The following SLC9C1 variants were observed in gnomAD, a reference collection of about 807,000 sequenced individuals.
SLC9C1 encodes the protein sodium/hydrogen exchanger 10.
Under a neutral mutation model 140.9 loss-of-function variants are expected in SLC9C1, and 97 were observed. The ratio of observed to expected loss-of-function variants is 0.69; its 90% CI spans 0.58 to 0.82. The LOEUF (loss-of-function observed/expected upper bound fraction) is 0.82, where lower values mean the gene tolerates loss of function less well. Ranked by LOEUF, SLC9C1 falls within the 40% of genes least tolerant of loss-of-function variation. The pLI, the probability that SLC9C1 is intolerant of heterozygous loss-of-function variation, is 0.00. For synonymous variants in SLC9C1, 440 were observed against 442.6 expected, an observed-to-expected ratio of 0.99 and a Z score of 0.07; for missense variants, 1,340 against 1,389.3, an observed-to-expected ratio of 0.96 and a Z score of 0.56.
At chr3:112,197,920 C>G (rs1401073210) in intron 20 of SLC9C1, among the ~76,000 whole-genome samples, 1 of 152,136 alleles carries the variant, frequency 6.6e-6, no homozygotes, top group African/African-American at 2.4e-5. Context: ...TGTCGGCCTG[C>G]TCCTGCTTAA....
intron 3 of SLC9C1, 138 bp downstream of exon 3, chr3:112,280,545 G>C (rs557768689): frequency 7.8e-5 from 56 of 722,502 alleles, no homozygotes; most frequent in African/African-American, 7.7e-4. Context: ...TACCTGACGT[G>C]ATGCTAGCCA....
At chr3:112,292,704 C>T (rs913863942) in intron 1 of SLC9C1, among the ~76,000 whole-genome samples, 8 of 151,738 alleles carry the variant, frequency 5.3e-5, no homozygotes, top group South Asian at 2.1e-4. Context: ...CCACCACGCC[C>T]GGCTAATTTT....
At chr3:112,238,675 A>C (rs950866285) in intron 12 of SLC9C1, among the ~76,000 whole-genome samples, 4 of 152,202 alleles carry the variant, frequency 2.6e-5, no homozygotes, top group Admixed American at 6.5e-5. Context: ...TCCTTCTAAC[A>C]GGCAGGACCC....
intron 13 of SLC9C1, among the ~76,000 whole-genome samples, chr3:112,226,752 A>C (rs1264153225): frequency 1.3e-5 from 2 of 152,094 alleles, no homozygotes; most frequent in Non-Finnish European, 2.9e-5. Flanking sequence ...AAAGTTCAAA[A>C]AACAACTTAA....
intron 10 of SLC9C1, among the ~76,000 whole-genome samples, chr3:112,249,574 G>A (rs922378453): frequency 6.6e-6 from 1 of 152,002 alleles, no homozygotes; most frequent in African/African-American, 2.4e-5. Flanking sequence ...ATTTGTTTGG[G>A]CTTTTTCTAG....
intron 5 of SLC9C1, among the ~76,000 whole-genome samples, chr3:112,277,172 C>T (rs1054713760): frequency 2.6e-5 from 4 of 151,912 alleles, no homozygotes; most frequent in African/African-American, 9.7e-5. Context: ...TGGTATTTTA[C>T]TTTTAAATAT....
At position 112,217,524 on chromosome 3, in the gene SLC9C1, T is replaced by C. The variant is rs192136143; in HGVS notation, c.1708A>G (p.Ser570Gly). Residue 570 changes from serine (S) to glycine (G), a missense_variant, in exon 15 of 29, where the codon AGC becomes GGC. Coordinates refer to ENST00000305815, the MANE Select transcript of SLC9C1 (RefSeq NM_183061.3). Reference protein sequence around the residue: ...SLDTIKNYSESQKTVTFARKL... With the variant: ...SLDTIKNYSEGQKTVTFARKL... ...CTAGCAAAGGTAACTGTTTTTTGGCTTTCAGAATAATTCTTTATTGTATCA... is the reference window on the plus strand; with the variant it reads ...CTAGCAAAGGTAACTGTTTTTTGGCCTTCAGAATAATTCTTTATTGTATCA... 31 of 1,609,530 alleles carry C rather than the reference T, an allele frequency of 1.9e-5. No individual in the cohort carries two copies. The Admixed American group carries it at 3.7e-4, about 19-fold the overall frequency.
At chr3:112,143,891 G>T (rs2074706232) in intron 28 of SLC9C1, among the ~76,000 whole-genome samples, 1 of 152,044 alleles carries the variant, frequency 6.6e-6, no homozygotes, top group Non-Finnish European at 1.5e-5. Flanking sequence ...TCTTTAATCT[G>T]TCTTGAGTGA....
In SLC9C1 at chr3:112,218,174, GTTT is replaced by G. The variant is rs61498352; in HGVS notation, c.1671-616_1671-614del. ...CAAGTTTTCTGTAGCTTTCTGCTAG[GTTT>G]TTTTTTTTTTTTTTAATTGAGACAG... On this transcript the variant is annotated intron_variant, in intron 14 of 28. Coordinates refer to ENST00000305815, the MANE Select transcript of SLC9C1 (RefSeq NM_183061.3). Among the ~76,000 whole-genome samples the G allele has an allele frequency of 2.6e-3, 372 of 143,298 alleles. 2 individuals are homozygous for G. The highest frequency in any genetic ancestry group is 0.019 in the East Asian group (94 of 4,958). The allele number at this position is 143,298 out of a possible 152,430, so 94.0% of individuals were successfully genotyped here. A position where few individuals can be genotyped will look rare whatever the true frequency, so the allele number is the denominator to read the frequency against.
At chr3:112,200,857 T>C in intron 18 of SLC9C1, 95 bp from the exon 19 acceptor site, 2 of 1,111,368 alleles carry the variant, frequency 1.8e-6, no homozygotes, top group South Asian at 1.5e-5. Flanking sequence ...CCTAAGTTAA[T>C]AGTTTTAAGA....
chr3:112,205,343 A>T (rs891782216), intron 16 of SLC9C1, among the ~76,000 whole-genome samples: 1 of 151,772 alleles, frequency 6.6e-6, no homozygotes, highest in Non-Finnish European at 1.5e-5. Context: ...TCCAACTTAC[A>T]AGGGACGTGA....
intron 2 of SLC9C1, 109 bp from the exon 3 acceptor site, chr3:112,280,892 TTTCATGA>T: frequency 4.2e-6 from 4 of 959,022 alleles, no homozygotes; most frequent in Non-Finnish European, 6.4e-6. Context: ...TTTCACTACT[TTTCATGA>T]GTTTAAAATC....
intron 12 of SLC9C1, among the ~76,000 whole-genome samples, chr3:112,238,271 C>G (rs6802144): frequency 6.6e-6 from 1 of 152,070 alleles, no homozygotes; most frequent in Non-Finnish European, 1.5e-5. Context: ...CTTGTGCATT[C>G]GTCACGTAGT....
intron 7 of SLC9C1, 119 bp downstream of exon 7, chr3:112,269,797 A>G (rs1163578212): frequency 8.3e-6 from 6 of 726,816 alleles, no homozygotes; most frequent in South Asian, 5.6e-5. Context: ...TTTAATAAAA[A>G]TATTCTGTCT....
chr3:112,165,672 C>G (rs976751112), intron 26 of SLC9C1, among the ~76,000 whole-genome samples: 1 of 152,210 alleles, frequency 6.6e-6, no homozygotes, highest in Non-Finnish European at 1.5e-5. Context: ...AGGTGTCAGT[C>G]TGTCCCTACT....
At chr3:112,235,399 A>T (rs1464872059) in intron 12 of SLC9C1, among the ~76,000 whole-genome samples, 1 of 151,052 alleles carries the variant, frequency 6.6e-6, no homozygotes, top group African/African-American at 2.4e-5. Context: ...TTTTCTAAAT[A>T]TACAATCATG....
intron 26 of SLC9C1, among the ~76,000 whole-genome samples, 195 bp from the exon 27 acceptor site, chr3:112,155,244 A>G (rs2075096867): frequency 6.6e-6 from 1 of 152,194 alleles, no homozygotes; most frequent in Non-Finnish European, 1.5e-5. Flanking sequence ...TATGGAGATG[A>G]TATAATAAAT....
intron 2 of SLC9C1, among the ~76,000 whole-genome samples, chr3:112,285,434 C>T (rs2080481215): frequency 1.3e-5 from 2 of 152,124 alleles, no homozygotes; most frequent in Admixed American, 6.5e-5. Context: ...AGAGACGGGA[C>T]TTTGCCATGT....
At position 112,274,876 on chromosome 3, in the gene SLC9C1, AT is replaced by A; in HGVS notation, c.613+20del. On this transcript the variant is annotated intron_variant, in intron 6 of 28. Transcript: ENST00000305815. ...ATACAGGATTCTGATGTTGAGAAAA[AT>A]TTTTTAAAAATATACTTACCTAAGG... 2.6e-6 allele frequency: 4 copies of A among 1,516,700 alleles called. No homozygotes were observed. Among genetic ancestry groups the A allele is most frequent in the East Asian group, 2.4e-5 (1 of 42,340 alleles). 94.0% of individuals were successfully genotyped at this position (1,516,700 alleles called of 1,614,324 possible).
Sources: allele counts gnomAD v4.1 joint callset (sites outside exome capture counted in the v4.1 genomes callset), GRCh38; gene constraint gnomAD v4.1.1; transcripts MANE v1.5; gene names NCBI Gene and HGNC (gene_info 2026-07-23, HGNC 2026-07-21).